The following KCNIP3 variants were observed in gnomAD, a reference collection of about 807,000 sequenced individuals.
KCNIP3 encodes the protein potassium voltage-gated channel interacting protein 3.
KCNIP3 carries 28 observed loss-of-function variants against 35.0 expected under a neutral mutation model. The ratio of observed to expected loss-of-function variants is 0.80; its 90% CI spans 0.59 to 1.10. The LOEUF (loss-of-function observed/expected upper bound fraction) is 1.10, where lower values mean the gene tolerates loss of function less well. Among genes scored for constraint, KCNIP3 ranks in the 50% least tolerant of loss-of-function variants. The pLI, the probability that KCNIP3 is intolerant of heterozygous loss-of-function variation, is 0.00. For synonymous variants in KCNIP3, 134 were observed against 133.8 expected (o/e 1.00, Z -0.01); for missense variants, 295 against 338.4 (o/e 0.87, Z 1.01).
intron 2 of KCNIP3, among the ~76,000 whole-genome samples, chr2:95,326,108 C>T (rs1425947537): frequency 2.6e-4 from 39 of 152,080 alleles, no homozygotes; most frequent in Middle Eastern, 3.4e-3. Context: ...CACATATACA[C>T]ATACACATAC....
intron 5 of KCNIP3, among the ~76,000 whole-genome samples, chr2:95,381,098 T>C (rs183981812): frequency 1.3e-5 from 2 of 152,292 alleles, no homozygotes; most frequent in East Asian, 1.9e-4. Context: ...AGAATAAACA[T>C]AGAGCACCTC....
At chr2:95,359,313 G>A (rs1209594040) in intron 2 of KCNIP3, among the ~76,000 whole-genome samples, 7 of 151,466 alleles carry the variant, frequency 4.6e-5, no homozygotes, top group South Asian at 2.1e-4. Context: ...AGAATACAAC[G>A]GTGAGACAGT....
intron 2 of KCNIP3, among the ~76,000 whole-genome samples, chr2:95,335,460 G>A (rs1237292651): frequency 6.6e-6 from 1 of 152,068 alleles, no homozygotes; most frequent in Admixed American, 6.6e-5. Context: ...CATCATTTTT[G>A]TATTGTTATT....
At chr2:95,375,301 G>A (rs1680157086) in intron 5 of KCNIP3, 93 bp downstream of exon 5, 3 of 1,187,640 alleles carry the variant, frequency 2.5e-6, no homozygotes, top group Admixed American at 1.8e-5. Flanking sequence ...TGTCGAGAGA[G>A]CCATGGTCCT....
intron 2 of KCNIP3, among the ~76,000 whole-genome samples, chr2:95,325,817 ACATACACATACACT>A (rs1186914447): frequency 6.7e-6 from 1 of 149,072 alleles, no homozygotes; most frequent in Non-Finnish European, 1.5e-5. Context: ...ACTCATACAC[ACATACACATACACT>A]CATACACACT....
chr2:95,322,955 C>G (rs1678634086), intron 2 of KCNIP3, among the ~76,000 whole-genome samples: 1 of 152,244 alleles, frequency 6.6e-6, no homozygotes, highest in African/African-American at 2.4e-5. Context: ...CCACCGCGAG[C>G]AGGTCCATGC....
chr2:95,336,908 C>G lies in KCNIP3; in HGVS notation c.181+26388C>G, dbSNP rs542918472. 2.0e-5 allele frequency among the ~76,000 whole-genome samples: 3 copies of G among 152,328 alleles called. No individual in the cohort carries two copies. In the East Asian group the frequency reaches 5.8e-4, roughly 29 times the overall value. ...TGAACCTCCATATTTCCTCAATGCT[C>G]TCTGACCCCTGGGATCTTTGCTCTG... On this transcript the variant is annotated intron_variant, in intron 2 of 8. Transcript: ENST00000295225.
intron 2 of KCNIP3, among the ~76,000 whole-genome samples, chr2:95,364,477 GT>G (rs1367603776): frequency 6.6e-6 from 1 of 152,032 alleles, no homozygotes; most frequent in African/African-American, 2.4e-5. Context: ...TTGGATGTTT[GT>G]CCCCCCCCAC....
At chr2:95,381,571 G>GC (rs765563644) in intron 5 of KCNIP3, 25 bp from the exon 6 acceptor site, 2 of 1,546,798 alleles carry the variant, frequency 1.3e-6, no homozygotes, top group South Asian at 2.2e-5. Flanking sequence ...TGGATGTCAC[G>GC]CCCCACACTC....
chr2:95,337,271 G>A (rs190130675), intron 2 of KCNIP3, among the ~76,000 whole-genome samples: 43 of 152,216 alleles, frequency 2.8e-4, no homozygotes, highest in Non-Finnish European at 4.9e-4. Context: ...TCATTGCCTC[G>A]AGAAATGATT....
chr2:95,369,389 T>C (rs538005441), intron 2 of KCNIP3, among the ~76,000 whole-genome samples: 13 of 152,232 alleles, frequency 8.5e-5, no homozygotes, highest in Non-Finnish European at 1.8e-4. Context: ...TTCACACCTG[T>C]GTTCATGAAG....
intron 2 of KCNIP3, among the ~76,000 whole-genome samples, chr2:95,361,049 G>A (rs191426293): frequency 3.3e-5 from 5 of 152,242 alleles, no homozygotes; most frequent in Non-Finnish European, 5.9e-5. Context: ...GGCTGAGTTC[G>A]TTGGCATCAC....
intron 3 of KCNIP3, 55 bp from the exon 4 acceptor site, chr2:95,374,793 G>A: frequency 6.3e-7 from 1 of 1,583,222 alleles, no homozygotes; most frequent in South Asian, 1.1e-5. Context: ...ACCATGCAGA[G>A]TCGGGCTTGG....
chr2:95,334,093 C>T (rs1214333426), intron 2 of KCNIP3, among the ~76,000 whole-genome samples: 1 of 152,224 alleles, frequency 6.6e-6, no homozygotes, highest in Non-Finnish European at 1.5e-5. Context: ...CTTCACAGAT[C>T]ACCAGCGAGG....
intron 2 of KCNIP3, among the ~76,000 whole-genome samples, chr2:95,350,835 A>C (rs1455162052): frequency 6.6e-6 from 1 of 152,148 alleles, no homozygotes; most frequent in East Asian, 1.9e-4. Context: ...AAACCCAGGC[A>C]CTGGGATTTT....
intron 1 of KCNIP3, among the ~76,000 whole-genome samples, chr2:95,308,064 T>C (rs1378654777): frequency 1.3e-5 from 2 of 152,142 alleles, no homozygotes; most frequent in Admixed American, 1.3e-4. Context: ...GCATGTGTGC[T>C]TGTGTGTGCA....
Position 95,382,792 on chromosome 2 carries a change from T to C in KCNIP3, c.660+311T>C, listed in dbSNP as rs533525621. On this transcript the variant is annotated intron_variant, in intron 7 of 8. Coordinates refer to ENST00000295225, the MANE Select transcript of KCNIP3 (RefSeq NM_013434.5). This position sits in a 1 kb window ranked among gnomAD's most constrained non-coding sequence, Gnocchi z 4.5. ...GAAGACGCTCTGGGAGAGGAGCAGG[T>C]TGGGGGCCTTCACCTGTATGCATGG... 6.6e-6 allele frequency among the ~76,000 whole-genome samples: 1 copy of C among 152,198 alleles called. No individual in the cohort carries two copies. The highest frequency in any genetic ancestry group is 1.9e-4 in the East Asian group (1 of 5,162).
intron 1 of KCNIP3, among the ~76,000 whole-genome samples, chr2:95,304,568 T>G (rs1466625798): frequency 1.3e-5 from 2 of 152,006 alleles, no homozygotes; most frequent in Non-Finnish European, 2.9e-5. Context: ...ACAGGCTGGG[T>G]TTACCCCTGT....
chr2:95,317,516 C>T (rs1678486649), intron 2 of KCNIP3, among the ~76,000 whole-genome samples: 1 of 152,064 alleles, frequency 6.6e-6, no homozygotes, highest in Non-Finnish European at 1.5e-5. Context: ...CTGGCTGCCC[C>T]GGGGCTCTGG....
Sources: allele counts gnomAD v4.1 joint callset (sites outside exome capture counted in the v4.1 genomes callset), GRCh38; gene constraint gnomAD v4.1.1; non-coding constraint Gnocchi (gnomAD v3.1); transcripts MANE v1.5; gene names NCBI Gene and HGNC (gene_info 2026-07-23, HGNC 2026-07-21).